The following ALCAM variants were observed in gnomAD, a reference collection of about 807,000 sequenced individuals.
ALCAM encodes CD166 antigen.
Under a neutral mutation model 70.9 loss-of-function variants are expected in ALCAM, and 30 were observed. The ratio of observed to expected loss-of-function variants is 0.42; its 90% CI spans 0.32 to 0.57. The LOEUF (loss-of-function observed/expected upper bound fraction) is 0.57. ALCAM is among the 20% of genes least tolerant of loss of function. ALCAM has a pLI of 0.11. For synonymous variants in ALCAM, 249 were observed against 242.5 expected, an observed-to-expected ratio of 1.03 and a Z score of -0.25; for missense variants, 591 against 695.1, an observed-to-expected ratio of 0.85 and a Z score of 1.68.
intron 1 of ALCAM, among the ~76,000 whole-genome samples, chr3:105,453,512 C>G (rs1165818753): frequency 6.6e-6 from 1 of 152,112 alleles, no homozygotes; most frequent in African/African-American, 2.4e-5. Flanking sequence ...AGAGTGATGC[C>G]TCCAGCTTTG....
intron 1 of ALCAM, among the ~76,000 whole-genome samples, chr3:105,393,597 C>G (rs747797837): frequency 2.6e-5 from 4 of 151,866 alleles, no homozygotes; most frequent in Non-Finnish European, 5.9e-5. Flanking sequence ...TATACTTATA[C>G]TCACTCTTAG....
chr3:105,538,489 T>G (rs1208308630), intron 6 of ALCAM, among the ~76,000 whole-genome samples: 3 of 152,154 alleles, frequency 2.0e-5, no homozygotes, highest in Non-Finnish European at 4.4e-5. Flanking sequence ...ATGTGTTACA[T>G]TAACCCTTTG....
chr3:105,420,157 A>G (rs1936610515), intron 1 of ALCAM, among the ~76,000 whole-genome samples: 1 of 151,768 alleles, frequency 6.6e-6, no homozygotes, highest in African/African-American at 2.4e-5. Context: ...CAATTTTACC[A>G]TAGAGAGATG....
At chr3:105,532,999 G>T (rs1417758674) in intron 4 of ALCAM, among the ~76,000 whole-genome samples, 1 of 152,120 alleles carries the variant, frequency 6.6e-6, no homozygotes, top group Admixed American at 6.6e-5. Context: ...GAATAATAAT[G>T]TAACTAAAAT....
At chr3:105,491,414 A>G (rs75998659) in intron 1 of ALCAM, among the ~76,000 whole-genome samples, 2,009 of 152,360 alleles carry the variant, frequency 0.013, 35 homozygotes, top group African/African-American at 0.044. Context: ...TACAGCTGGC[A>G]TGAATTTCTC....
At chr3:105,525,337 T>G in intron 3 of ALCAM, 1 of 982,070 alleles carries the variant, frequency 1.0e-6, no homozygotes, top group Non-Finnish European at 1.2e-6. Flanking sequence ...ACTGTGCAAA[T>G]GAATGACTTG....
intron 1 of ALCAM, among the ~76,000 whole-genome samples, chr3:105,440,600 G>A (rs1251940855): frequency 6.6e-6 from 1 of 152,104 alleles, no homozygotes; most frequent in Non-Finnish European, 1.5e-5. Flanking sequence ...TGTAGTGCTG[G>A]CAGTCATTAA....
intron 1 of ALCAM, among the ~76,000 whole-genome samples, chr3:105,437,903 T>C (rs1308915306): frequency 6.6e-6 from 1 of 152,170 alleles, no homozygotes; most frequent in Non-Finnish European, 1.5e-5. Flanking sequence ...GGAAAATGTA[T>C]ATTTTTATCA....
chr3:105,396,600 T>C (rs1174488163), intron 1 of ALCAM, among the ~76,000 whole-genome samples: 1 of 152,052 alleles, frequency 6.6e-6, no homozygotes, highest in African/African-American at 2.4e-5. Flanking sequence ...GTAGATTTAA[T>C]GAAGTTTTGG....
intron 1 of ALCAM, among the ~76,000 whole-genome samples, chr3:105,400,727 G>T (rs1440829098): frequency 6.6e-6 from 1 of 152,144 alleles, no homozygotes; most frequent in Admixed American, 6.5e-5. Flanking sequence ...GGAAGTGGTG[G>T]TGGGATTTGT....
intron 14 of ALCAM, among the ~76,000 whole-genome samples, chr3:105,568,063 A>T (rs75256529): frequency 0.024 from 2,844 of 116,784 alleles, 48 homozygotes; most frequent in African/African-American, 0.05. Flanking sequence ...ATTTTATTTT[A>T]TTTTTTTTTT....
chr3:105,560,748 T>C (rs1940613900), intron 14 of ALCAM, among the ~76,000 whole-genome samples: 2 of 152,302 alleles, frequency 1.3e-5, no homozygotes, highest in Admixed American at 6.5e-5. Context: ...GGGTTTGCTG[T>C]ATCTATTTAT....
intron 8 of ALCAM, among the ~76,000 whole-genome samples, chr3:105,543,463 A>C (rs1041106283): frequency 1.3e-5 from 2 of 151,726 alleles, no homozygotes; most frequent in African/African-American, 4.8e-5. Context: ...ATATGGAAAC[A>C]TAAAAATCCT....
intron 3 of ALCAM, among the ~76,000 whole-genome samples, chr3:105,530,129 A>C (rs1383916516): frequency 1.3e-5 from 2 of 152,054 alleles, no homozygotes; most frequent in Non-Finnish European, 2.9e-5. Context: ...GCTCTCAGAG[A>C]GGGTGTCACT....
At chr3:105,538,100 C>A (rs1176278595) in intron 6 of ALCAM, among the ~76,000 whole-genome samples, 1 of 151,910 alleles carries the variant, frequency 6.6e-6, no homozygotes, top group Non-Finnish European at 1.5e-5. Context: ...TTGTAATATT[C>A]AAAGCGCTAC....
intron 1 of ALCAM, among the ~76,000 whole-genome samples, chr3:105,382,299 A>G (rs1311869335): frequency 2.0e-5 from 3 of 152,012 alleles, no homozygotes; most frequent in Admixed American, 6.6e-5. Flanking sequence ...ATAGTATTCC[A>G]TGGTGTATAT....
chr3:105,430,204 AT>A (rs1192082125), intron 1 of ALCAM, among the ~76,000 whole-genome samples: 2 of 152,068 alleles, frequency 1.3e-5, no homozygotes, highest in East Asian at 3.9e-4. Flanking sequence ...TATTAATATC[AT>A]ATTTATAGTA....
intron 1 of ALCAM, among the ~76,000 whole-genome samples, chr3:105,375,730 CT>C (rs1278132892): frequency 6.6e-6 from 1 of 152,150 alleles, no homozygotes; most frequent in Non-Finnish European, 1.5e-5. Context: ...TATGAGATTT[CT>C]CAGTAATCAC....
intron 14 of ALCAM, among the ~76,000 whole-genome samples, chr3:105,563,934 G>A (rs1193209528): frequency 6.0e-5 from 9 of 150,560 alleles, no homozygotes; most frequent in Admixed American, 6.6e-5. Context: ...TGATCCACCC[G>A]CCTCGGCCTC....
Sources: gnomAD v4.1 joint callset for allele counts (sites outside exome capture counted in the v4.1 genomes callset) on GRCh38, gnomAD v4.1.1 for gene constraint, MANE v1.5 for transcripts, NCBI Gene and HGNC (gene_info 2026-07-23, HGNC 2026-07-21) for gene names.